The following RSF1 variants were observed in gnomAD, a reference collection of about 807,000 sequenced individuals.
The protein encoded by RSF1 is HBV pX-associated protein 8.
RSF1 carries 13 observed loss-of-function variants against 145.2 expected under a neutral mutation model. The ratio of observed to expected loss-of-function variants is 0.09; its 90% CI spans 0.06 to 0.14. The LOEUF is 0.14. Ranked by LOEUF, RSF1 falls within the 10% of genes least tolerant of loss-of-function variation. The pLI, the probability that RSF1 is intolerant of heterozygous loss-of-function variation, is 1.00. For missense variants in RSF1, 1,517 were observed against 1,718.2 expected, an observed-to-expected ratio of 0.88 and a Z score of 2.07; for synonymous variants, 577 against 592.6, an observed-to-expected ratio of 0.97 and a Z score of 0.38.
At position 77,666,619 on chromosome 11, in the gene RSF1, T is replaced by C. The variant is rs993664441; in HGVS notation, c.*298A>G. The C allele has an allele frequency of 4.9e-6, 1 of 203,898 alleles. No homozygotes were observed. Among genetic ancestry groups the C allele is most frequent in the Non-Finnish European group, 9.8e-6 (1 of 102,494 alleles). 12.6% of individuals were successfully genotyped at this position (203,898 alleles called of 1,614,324 possible). A position where few individuals can be genotyped will look rare whatever the true frequency, so the allele number is the denominator to read the frequency against. On this transcript the variant is annotated 3_prime_UTR_variant, in exon 16 of 16. Coordinates refer to ENST00000308488, the MANE Select transcript of RSF1 (RefSeq NM_016578.4). Reference sequence around the variant, plus strand: ...CAAAGTCAGGAGAGCTCAGGAAATATAAAGTCAAAAATATACAAATCTTTG... The same window carrying C: ...CAAAGTCAGGAGAGCTCAGGAAATACAAAGTCAAAAATATACAAATCTTTG...
At chr11:77,856,236 C>G in the RSF1 span, among the ~76,000 whole-genome samples, 1 of 152,234 alleles carries the variant, frequency 6.6e-6, no homozygotes, top group Non-Finnish European at 1.5e-5. Flanking sequence ...AAGCATAGCA[C>G]AAGTAACCTT....
intron 9 of RSF1, among the ~76,000 whole-genome samples, chr11:77,688,494 T>G (rs1960068137): frequency 6.6e-6 from 1 of 152,230 alleles, no homozygotes; most frequent in African/African-American, 2.4e-5. Flanking sequence ...TTACATCTTT[T>G]GCAGTGTCAA....
intron 7 of RSF1, among the ~76,000 whole-genome samples, chr11:77,694,192 T>G (rs536761815): frequency 3.4e-4 from 52 of 152,192 alleles, no homozygotes; most frequent in Non-Finnish European, 7.5e-4. Flanking sequence ...CAGTATATAG[T>G]CATAAAGGCT....
chr11:77,861,220 G>A, the RSF1 span, among the ~76,000 whole-genome samples: 26 of 152,140 alleles, frequency 1.7e-4, no homozygotes, highest in Non-Finnish European at 3.4e-4. Flanking sequence ...AATGGCCCCT[G>A]CTTTTGCTAG....
At chr11:77,685,249 C>T in intron 9 of RSF1, 90 bp from the exon 10 acceptor site, 1 of 674,342 alleles carries the variant, frequency 1.5e-6, no homozygotes, top group Non-Finnish European at 2.5e-6. Context: ...GTTAAAATTA[C>T]AATTTCACGT....
chr11:77,827,384 C>G, the RSF1 span, among the ~76,000 whole-genome samples: 10 of 152,102 alleles, frequency 6.6e-5, no homozygotes, highest in African/African-American at 2.4e-4. Flanking sequence ...CACAGCAATC[C>G]TCAATTAAAT....
the RSF1 span, among the ~76,000 whole-genome samples, chr11:77,834,569 C>A: frequency 6.6e-6 from 1 of 151,614 alleles, no homozygotes; most frequent in African/African-American, 2.4e-5. Flanking sequence ...TACATACCAC[C>A]TCGTTCAGCT....
chr11:77,760,920 T>G (rs1948164808), intron 2 of RSF1, among the ~76,000 whole-genome samples: 1 of 152,080 alleles, frequency 6.6e-6, no homozygotes. Context: ...TTTCTTTCTT[T>G]TTTTTTTTCT....
At chr11:77,746,667 G>A (rs922830882) in intron 3 of RSF1, among the ~76,000 whole-genome samples, 1 of 152,124 alleles carries the variant, frequency 6.6e-6, no homozygotes, top group Non-Finnish European at 1.5e-5. Context: ...TTTTAAGTAC[G>A]AAATGACATG....
intron 11 of RSF1, 102 bp from the exon 12 acceptor site, chr11:77,678,255 T>C: frequency 4.7e-6 from 3 of 637,342 alleles, no homozygotes; most frequent in South Asian, 3.7e-5. Flanking sequence ...TCTCTCTTTG[T>C]TGCCAGGCTG....
chr11:77,675,222 G>GGTTTTCATC lies in RSF1; in HGVS notation c.3367_3375dup (p.Asp1123_Asn1125dup). ...GGCGGATCTTCTTCACTTTCATCTGGGTTTTCATCAGACACAACAAACTCA... is the reference window on the plus strand; with the variant it reads ...GGCGGATCTTCTTCACTTTCATCTGGGTTTTCATCGTTTTCATCAGACACAACAAACTCA... On this transcript the variant is annotated inframe_insertion, in exon 14 of 16. Coordinates refer to ENST00000308488, the MANE Select transcript of RSF1 (RefSeq NM_016578.4). 6.2e-7 allele frequency: 1 copy of GGTTTTCATC among 1,613,676 alleles called. No homozygotes were observed. Among genetic ancestry groups the GGTTTTCATC allele is most frequent in the Non-Finnish European group, 8.5e-7 (1 of 1,179,962 alleles).
At chr11:77,808,125 G>A (rs1948695595) in intron 1 of RSF1, among the ~76,000 whole-genome samples, 2 of 152,042 alleles carry the variant, frequency 1.3e-5, no homozygotes, top group South Asian at 2.1e-4. Context: ...CTTGAGGTCA[G>A]GAGTTCAAGA....
the RSF1 span, among the ~76,000 whole-genome samples, chr11:77,862,144 T>G: frequency 1.3e-5 from 2 of 152,194 alleles, no homozygotes; most frequent in Non-Finnish European, 2.9e-5. Flanking sequence ...ATCTGTATGT[T>G]CTGATTCTGT....
rs2135853234 is a variant in RSF1 at position 77,701,059 on chromosome 11, T to C, written c.2170A>G (p.Ile724Val). The C allele has an allele frequency of 6.2e-7, 1 of 1,613,864 alleles. No individual in the cohort carries two copies. Among genetic ancestry groups the C allele is most frequent in the Non-Finnish European group, 8.5e-7 (1 of 1,180,002 alleles). Residue 724 changes from isoleucine (I) to valine (V), a missense_variant, in exon 6 of 16, where the codon ATA becomes GTA. This residue lies in a region of RSF1 where 579 missense variants were observed against 553.5 expected (regional missense o/e 1.05). Coordinates refer to ENST00000308488, the MANE Select transcript of RSF1 (RefSeq NM_016578.4). Reference protein sequence around the residue: ...EETTASENTEITSERQKEGIK... With the variant: ...EETTASENTEVTSERQKEGIK... The stretch of plus-strand genomic sequence containing the variant: ...CCCTCTTTCTGCCTTTCAGAGGTTA[T>C]CTCTGTATTTTCTGAGGCAGTGGTT...
intron 2 of RSF1, among the ~76,000 whole-genome samples, chr11:77,756,358 C>CAAAAAAAAAAAAAAAAAAAAAAA (rs936128985): frequency 1.8e-5 from 1 of 54,298 alleles, no homozygotes. Context: ...AACTCTGTCT[C>CAAAAAAAAAAAAAAAAAAAAAAA]AAAAAAAAAA....
chr11:77,807,461 G>A (rs1386271713), intron 1 of RSF1, among the ~76,000 whole-genome samples: 3 of 152,166 alleles, frequency 2.0e-5, no homozygotes, highest in Non-Finnish European at 2.9e-5. Context: ...AATATCTGCT[G>A]TCTACAAGAA....
At chr11:77,772,679 T>C (rs1423886985) in intron 1 of RSF1, among the ~76,000 whole-genome samples, 1 of 152,124 alleles carries the variant, frequency 6.6e-6, no homozygotes, top group East Asian at 1.9e-4. Flanking sequence ...CCAGCTCTAA[T>C]ATTCAATGTC....
At chr11:77,869,271 G>A in the RSF1 span, 1 of 172,734 alleles carries the variant, frequency 5.8e-6, no homozygotes. Flanking sequence ...CCTGTACTTG[G>A]AATGCCTTGT....
chr11:77,669,033 C>T (rs187701938), intron 15 of RSF1, among the ~76,000 whole-genome samples: 114 of 152,272 alleles, frequency 7.5e-4, no homozygotes, highest in South Asian at 2.1e-3. Flanking sequence ...TAAAACTGGG[C>T]TCCTAAACTT....
Sources: allele counts gnomAD v4.1 joint callset (sites outside exome capture counted in the v4.1 genomes callset), GRCh38; gene constraint gnomAD v4.1.1; regional missense constraint gnomAD v4.1.1; transcripts MANE v1.5; gene names NCBI Gene and HGNC (gene_info 2026-07-23, HGNC 2026-07-21).